Variants in PLCZ1 observed in about 807,000 individuals in gnomAD.
PLCZ1 encodes phospholipase C zeta 1.
A neutral mutation model predicts 76.8 loss-of-function variants in PLCZ1; 64 were observed. The ratio of observed to expected loss-of-function variants is 0.83; its 90% CI spans 0.68 to 1.03. The LOEUF is 1.03. Among genes scored for constraint, PLCZ1 ranks in the 50% least tolerant of loss-of-function variants. The probability of loss-of-function intolerance (pLI) is 0.00; values close to 1 mark genes in which losing one functional copy is unlikely to be tolerated. For missense variants in PLCZ1, 751 were observed against 713.7 expected (o/e 1.05, Z -0.60); for synonymous variants, 248 against 230.8 (o/e 1.07, Z -0.68).
At chr12:18,713,017 C>T in intron 5 of PLCZ1, 31 bp from the exon 6 acceptor site, 1 of 1,612,808 alleles carries the variant, frequency 6.2e-7, no homozygotes, top group Non-Finnish European at 8.5e-7. Flanking sequence ...TAAAATGTTA[C>T]TCCTGGACCA....
downstream of PLCZ1, chr12:18,683,081 C>T (rs1952581033): frequency 1.4e-6 from 1 of 692,228 alleles, no homozygotes; most frequent in African/African-American, 1.8e-5. Context: ...TTTTCTTCCA[C>T]TGATTTATTT....
intron 4 of PLCZ1, among the ~76,000 whole-genome samples, chr12:18,721,752 C>T (rs1023782419): frequency 1.3e-5 from 2 of 151,096 alleles, no homozygotes; most frequent in African/African-American, 4.9e-5. Context: ...CTCATCAGTT[C>T]TGCTTAGTGA....
the PLCZ1 span, among the ~76,000 whole-genome samples, chr12:18,650,325 C>CTATATATA: frequency 4.0e-5 from 3 of 74,974 alleles, no homozygotes; most frequent in African/African-American, 6.0e-5. Context: ...CTCTCTCTCT[C>CTATATATA]TCTCTCTATA....
At chr12:18,729,211 G>T (rs1958914771) in intron 3 of PLCZ1, among the ~76,000 whole-genome samples, 2 of 151,766 alleles carry the variant, frequency 1.3e-5, no homozygotes, top group African/African-American at 2.4e-5. Context: ...TTCCTTTCAT[G>T]CATCCTGTAC....
Position 18,699,868 on chromosome 12 carries a change from G to A in PLCZ1, c.1100C>T (p.Ser367Leu), listed in dbSNP as rs1260852539. ...TTCATTAAATTGCTGATATAATCTT[G>A]AATGTTGAAAGCTTTTGAATTTCTC... ...KAEKFKSFQHSRLYQQFNENN... is the reference protein window; with the variant it reads ...KAEKFKSFQHLRLYQQFNENN... The change falls in exon 10 of 15, where the codon TCA becomes TTA. Residue 367 changes from serine to leucine, a missense_variant. Physicochemically the swap from Ser to Leu is moderately radical, Grantham distance 145. Transcript: ENST00000266505. The A allele has an allele frequency of 1.2e-6, 2 of 1,612,936 alleles. No homozygotes were observed. The highest frequency in any genetic ancestry group is 1.7e-5 in the Admixed American group (1 of 59,974).
chr12:18,708,792 T>C (rs182608217), intron 6 of PLCZ1, among the ~76,000 whole-genome samples: 3 of 152,332 alleles, frequency 2.0e-5, no homozygotes, highest in Admixed American at 1.3e-4. Flanking sequence ...CATATACTTG[T>C]TGGCCATTTT....
chr12:18,706,071 G>A (rs982858808), intron 6 of PLCZ1, among the ~76,000 whole-genome samples: 15 of 151,238 alleles, frequency 9.9e-5, no homozygotes, highest in African/African-American at 3.2e-4. Flanking sequence ...TACTAAAAAT[G>A]CAAAAAAGAA....
At chr12:18,722,249 C>A (rs1958485865) in intron 4 of PLCZ1, among the ~76,000 whole-genome samples, 2 of 151,980 alleles carry the variant, frequency 1.3e-5, no homozygotes, top group Admixed American at 6.6e-5. Context: ...ACATAGCACT[C>A]TCTTAAGATA....
At chr12:18,650,931 G>C in the PLCZ1 span, among the ~76,000 whole-genome samples, 5 of 151,172 alleles carry the variant, frequency 3.3e-5, no homozygotes, top group African/African-American at 1.2e-4. Context: ...TCCTTTCTAT[G>C]CTTACTCTGC....
At chr12:18,730,573 T>A (rs1442616332) in intron 3 of PLCZ1, among the ~76,000 whole-genome samples, 2 of 152,106 alleles carry the variant, frequency 1.3e-5, no homozygotes, top group Non-Finnish European at 2.9e-5. Context: ...TAATATTATA[T>A]TAATAGCCAC....
intron 7 of PLCZ1, among the ~76,000 whole-genome samples, chr12:18,703,762 A>G (rs1956241425): frequency 1.3e-5 from 2 of 152,208 alleles, no homozygotes; most frequent in African/African-American, 4.8e-5. Context: ...AATGACTACT[A>G]TTCTTTGCTG....
chr12:18,737,589 A>T, intron 1 of PLCZ1, 80 bp from the exon 2 acceptor site: 1 of 679,092 alleles, frequency 1.5e-6, no homozygotes, highest in South Asian at 1.6e-5. Flanking sequence ...CCATAGAAAC[A>T]GTATGCAAGA....
At chr12:18,689,566 A>G (rs1385881116) in intron 12 of PLCZ1, among the ~76,000 whole-genome samples, 1 of 152,094 alleles carries the variant, frequency 6.6e-6, no homozygotes, top group Non-Finnish European at 1.5e-5. Flanking sequence ...TGGTTTAGGG[A>G]GCATTGATCA....
intron 3 of PLCZ1, among the ~76,000 whole-genome samples, chr12:18,735,581 GTTC>G (rs1225598996): frequency 1.3e-5 from 2 of 151,966 alleles, no homozygotes; most frequent in Non-Finnish European, 2.9e-5. Context: ...AACCTTTCTA[GTTC>G]TTCTTGGTTC....
chr12:18,721,980 A>G (rs1365941689), intron 4 of PLCZ1, among the ~76,000 whole-genome samples: 1 of 151,960 alleles, frequency 6.6e-6, no homozygotes, highest in Non-Finnish European at 1.5e-5. Context: ...CAGTCTCTCC[A>G]AACTCATCTC....
chr12:18,708,263 A>T (rs1041459207), intron 6 of PLCZ1, among the ~76,000 whole-genome samples: 12 of 152,174 alleles, frequency 7.9e-5, no homozygotes, highest in Non-Finnish European at 1.3e-4. Context: ...CATAAAAGTG[A>T]GATCAGGCAT....
At chr12:18,704,626 C>T (rs960346759) in intron 7 of PLCZ1, among the ~76,000 whole-genome samples, 1 of 152,036 alleles carries the variant, frequency 6.6e-6, no homozygotes, top group African/African-American at 2.4e-5. Context: ...TGCACCGGGC[C>T]ATAGAGAGGG....
At chr12:18,711,663 G>T (rs950197482) in intron 6 of PLCZ1, among the ~76,000 whole-genome samples, 1 of 151,866 alleles carries the variant, frequency 6.6e-6, no homozygotes, top group Admixed American at 6.6e-5. Context: ...GCACATGAAA[G>T]TTGTCATTGA....
At chr12:18,653,034 C>G in the PLCZ1 span, among the ~76,000 whole-genome samples, 1 of 152,102 alleles carries the variant, frequency 6.6e-6, no homozygotes, top group Non-Finnish European at 1.5e-5. Context: ...CCCTACCTAT[C>G]ACTCTCATCC....
Sources: gnomAD v4.1 joint callset for allele counts (sites outside exome capture counted in the v4.1 genomes callset) on GRCh38, gnomAD v4.1.1 for gene constraint, MANE v1.5 for transcripts, NCBI Gene and HGNC (gene_info 2026-07-23, HGNC 2026-07-21) for gene names.